The following MAST4 variants were observed in gnomAD, a reference collection of about 807,000 sequenced individuals.
MAST4 encodes the protein microtubule-associated serine/threonine-protein kinase 4.
MAST4 carries 89 observed loss-of-function variants against 162.7 expected under a neutral mutation model. The observed-to-expected ratio is 0.55, with a 90% CI of 0.46 to 0.65. MAST4 has a LOEUF of 0.65. Ranked by LOEUF, MAST4 falls within the 30% of genes least tolerant of loss-of-function variation. The pLI, the probability that MAST4 is intolerant of heterozygous loss-of-function variation, is 0.00. For synonymous variants in MAST4, 1,479 were observed against 1,361.1 expected, an observed-to-expected ratio of 1.09 and a Z score of -1.91; for missense variants, 3,153 against 3,374.0, an observed-to-expected ratio of 0.93 and a Z score of 1.62.
At chr5:66,832,358 G>A (rs550129554) in intron 3 of MAST4, among the ~76,000 whole-genome samples, 2 of 152,258 alleles carry the variant, frequency 1.3e-5, no homozygotes, top group Non-Finnish European at 2.9e-5. Context: ...TTCTAGATCT[G>A]TGAGTGTGTT....
intron 4 of MAST4, chr5:66,930,756 G>T (rs913294183): frequency 2.1e-6 from 1 of 470,708 alleles, no homozygotes; most frequent in Non-Finnish European, 4.4e-6. Flanking sequence ...GCAACTGAGC[G>T]ATTCTCTGAC....
chr5:66,832,371 G>C (rs370801685), intron 3 of MAST4, among the ~76,000 whole-genome samples: 1 of 152,084 alleles, frequency 6.6e-6, no homozygotes, highest in African/African-American at 2.4e-5. Flanking sequence ...AGTGTGTTTA[G>C]GTTTTTTTTT....
intron 1 of MAST4, among the ~76,000 whole-genome samples, chr5:66,628,439 A>G (rs142132491): frequency 1.3e-3 from 195 of 151,986 alleles, no homozygotes; most frequent in South Asian, 5.4e-3. Flanking sequence ...CTATTTAGCT[A>G]AAATGACATG....
At chr5:66,809,771 C>T (rs1321595250) in intron 3 of MAST4, among the ~76,000 whole-genome samples, 1 of 152,128 alleles carries the variant, frequency 6.6e-6, no homozygotes, top group African/African-American at 2.4e-5. Flanking sequence ...GAGTCTTGCT[C>T]TGTCGCCAGG....
intron 4 of MAST4, among the ~76,000 whole-genome samples, chr5:67,036,133 A>G (rs1160533179): frequency 1.3e-5 from 2 of 152,202 alleles, no homozygotes; most frequent in Non-Finnish European, 2.9e-5. Flanking sequence ...AAGACTTGGT[A>G]TAGAGGAAGG....
At chr5:66,889,585 C>T (rs10051461) in intron 3 of MAST4, among the ~76,000 whole-genome samples, 102 of 152,192 alleles carry the variant, frequency 6.7e-4, no homozygotes, top group South Asian at 1.2e-3. Flanking sequence ...AGCCCTTTGC[C>T]CAGGTTCAGT....
At chr5:66,826,887 A>G (rs1757288922) in intron 3 of MAST4, among the ~76,000 whole-genome samples, 1 of 152,102 alleles carries the variant, frequency 6.6e-6, no homozygotes, top group African/African-American at 2.4e-5. Context: ...GTCTAAAACA[A>G]CTCTTGACAT....
At chr5:66,890,963 A>G (rs1344389606) in intron 3 of MAST4, among the ~76,000 whole-genome samples, 2 of 152,232 alleles carry the variant, frequency 1.3e-5, no homozygotes, top group Non-Finnish European at 2.9e-5. Context: ...AGATGAGCTT[A>G]GTAAAGAAAG....
chr5:66,694,549 C>CGA (rs1749270522), intron 1 of MAST4, among the ~76,000 whole-genome samples: 1 of 151,938 alleles, frequency 6.6e-6, no homozygotes, highest in Non-Finnish European at 1.5e-5. Flanking sequence ...TGCAGTGGCA[C>CGA]GATCTCGGTT....
rs1755855183 is a variant in MAST4, at chr5:66,800,318, A to G, written c.642+11524A>G. On this transcript the variant is annotated intron_variant, in intron 3 of 28. Transcript: ENST00000403625. ...TTAGTTACATTTTGGTAGATGGGAT[A>G]AAGAAAATGTGGGTGCAGATACATC... 2.0e-5 allele frequency among the ~76,000 whole-genome samples: 3 copies of G among 152,220 alleles called. No homozygotes were observed. The South Asian group carries it at 6.2e-4, about 31-fold the overall frequency.
intron 4 of MAST4, among the ~76,000 whole-genome samples, chr5:66,931,651 G>A (rs1340653427): frequency 1.3e-5 from 2 of 152,104 alleles, no homozygotes; most frequent in South Asian, 2.1e-4. Context: ...AGAAAGTTTG[G>A]AAATGGTGTT....
intron 19 of MAST4, among the ~76,000 whole-genome samples, chr5:67,141,081 C>T (rs1048317167): frequency 6.6e-6 from 1 of 152,120 alleles, no homozygotes; most frequent in African/African-American, 2.4e-5. Context: ...AGACAGCAAC[C>T]CCCAACCAAG....
intron 3 of MAST4, among the ~76,000 whole-genome samples, chr5:66,899,048 T>C (rs916619216): frequency 1.3e-5 from 2 of 152,208 alleles, no homozygotes; most frequent in Non-Finnish European, 2.9e-5. Flanking sequence ...ATGAGAATTA[T>C]GGGCATGAAT....
chr5:66,919,977 T>C (rs73765897), intron 4 of MAST4, among the ~76,000 whole-genome samples: 14 of 136,742 alleles, frequency 1.0e-4, no homozygotes, highest in African/African-American at 3.3e-4. Context: ...TCCTTCCTTC[T>C]TTCTCTCTCT....
At chr5:67,004,691 T>C (rs946491128) in intron 4 of MAST4, 3 of 301,464 alleles carry the variant, frequency 1.0e-5, no homozygotes, top group East Asian at 6.2e-5. Context: ...GCTCAACTCA[T>C]GTAATTACTG....
chr5:66,976,212 G>A (rs1748130684), intron 4 of MAST4, among the ~76,000 whole-genome samples: 1 of 152,198 alleles, frequency 6.6e-6, no homozygotes, highest in South Asian at 2.1e-4. Context: ...GCCATGGGAT[G>A]AACTGGATGG....
chr5:67,076,045 T>C (rs73768187), intron 5 of MAST4, among the ~76,000 whole-genome samples: 6,071 of 152,180 alleles, frequency 0.04, 410 homozygotes, highest in African/African-American at 0.14. Flanking sequence ...CTGTGGGAGA[T>C]GCACCTTGAT....
At chr5:66,781,683 G>A (rs970867852) in intron 2 of MAST4, among the ~76,000 whole-genome samples, 1 of 152,142 alleles carries the variant, frequency 6.6e-6, no homozygotes, top group Admixed American at 6.5e-5. Context: ...CAGAAGTCAC[G>A]TCAAGAGAGA....
At chr5:66,705,288 A>G (rs1348748866) in intron 1 of MAST4, among the ~76,000 whole-genome samples, 1 of 152,218 alleles carries the variant, frequency 6.6e-6, no homozygotes, top group Non-Finnish European at 1.5e-5. Context: ...TAATGGGTAT[A>G]GCATGAGCAT....
Sources: allele counts gnomAD v4.1 joint callset (sites outside exome capture counted in the v4.1 genomes callset), GRCh38; gene constraint gnomAD v4.1.1; transcripts MANE v1.5; gene names NCBI Gene and HGNC (gene_info 2026-07-23, HGNC 2026-07-21).